The following BAIAP2 variants were observed in gnomAD, a reference collection of about 807,000 sequenced individuals.
The protein encoded by BAIAP2 is BAR/IMD domain containing adaptor protein 2.
In BAIAP2, 18 loss-of-function variants were observed where a neutral mutation model predicts 63.0. The ratio of observed to expected loss-of-function variants is 0.29; its 90% CI spans 0.20 to 0.42. The LOEUF is 0.42. Ranked by LOEUF, BAIAP2 falls within the 10% of genes least tolerant of loss-of-function variation. The pLI is 1.00. For synonymous variants in BAIAP2, 386 were observed against 307.6 expected (o/e 1.25, Z -2.67); for missense variants, 610 against 734.3 (o/e 0.83, Z 1.96).
intron 6 of BAIAP2, among the ~76,000 whole-genome samples, chr17:81,093,708 G>A (rs1222802830): frequency 6.6e-6 from 1 of 152,170 alleles, no homozygotes; most frequent in Non-Finnish European, 1.5e-5. Context: ...CTGGGTGTGC[G>A]AGGCCTATAG....
chr17:81,109,853 G>A, intron 13 of BAIAP2: 1 of 985,386 alleles, frequency 1.0e-6, no homozygotes, highest in Non-Finnish European at 1.2e-6. Context: ...GGGCATCGAT[G>A]CTGCCCCGGG....
At chr17:81,048,137 C>T (rs1203272989) in intron 1 of BAIAP2, among the ~76,000 whole-genome samples, 1 of 152,202 alleles carries the variant, frequency 6.6e-6, no homozygotes, top group Non-Finnish European at 1.5e-5. Context: ...GTAATCCCAG[C>T]ACTTTGGGAG....
At chr17:81,100,518 G>C (rs978523152) in intron 7 of BAIAP2, among the ~76,000 whole-genome samples, 1 of 152,024 alleles carries the variant, frequency 6.6e-6, no homozygotes, top group African/African-American at 2.4e-5. Context: ...ACAGTCCTGG[G>C]GTACAGCCTC....
At chr17:81,069,323 C>T (rs755599861) in intron 3 of BAIAP2, among the ~76,000 whole-genome samples, 21 of 152,332 alleles carry the variant, frequency 1.4e-4, no homozygotes, top group Middle Eastern at 3.4e-3. Flanking sequence ...AGCCAGAGCA[C>T]GCACGCGGGC....
intron 6 of BAIAP2, chr17:81,087,969 C>T (rs1459914978): frequency 3.3e-5 from 5 of 152,038 alleles, no homozygotes; most frequent in African/African-American, 4.8e-5. Context: ...GCTGCTGCAG[C>T]GAGCCGTCCT....
intron 3 of BAIAP2, 59 bp downstream of exon 3, chr17:81,058,026 G>T: frequency 7.5e-7 from 1 of 1,338,014 alleles, no homozygotes; most frequent in African/African-American, 1.6e-5. Context: ...GCAGCTCTGG[G>T]GCCCTGTCCT....
rs938293720 is a variant in BAIAP2, at chr17:81,092,709, G to T, written c.489+6129G>T. Among the ~76,000 whole-genome samples, 29 of 152,074 alleles carry T rather than the reference G, an allele frequency of 1.9e-4. 1 individual carries two copies. Among genetic ancestry groups the T allele is most frequent in the Admixed American group, 1.8e-3 (28 of 15,282 alleles). On this transcript the variant is annotated intron_variant, in intron 6 of 13. Transcript: ENST00000428708. ...CCCGGAGCACCGCCCTGACGGCCTT[G>T]GGCAGCGGCACCTTCACTCCCCAGG...
intron 6 of BAIAP2, chr17:81,098,147 A>G: frequency 2.1e-6 from 3 of 1,463,172 alleles, no homozygotes; most frequent in Non-Finnish European, 2.7e-6. Flanking sequence ...AGAGGCAGAG[A>G]GCCCTGGGGT....
intron 1 of BAIAP2, among the ~76,000 whole-genome samples, chr17:81,038,896 T>TGG (rs780200000): frequency 8.4e-5 from 2 of 23,716 alleles, no homozygotes; most frequent in African/African-American, 2.0e-4. Flanking sequence ...GTCGCCTTCC[T>TGG]GGGTGGGGGG....
At chr17:81,085,526 G>T in intron 4 of BAIAP2, 128 bp from the exon 5 acceptor site, 4 of 765,510 alleles carry the variant, frequency 5.2e-6, no homozygotes, top group Non-Finnish European at 6.9e-6. Context: ...CAGTCAGGGG[G>T]AGGGGGCCCC....
At chr17:81,068,159 C>T (rs571603801) in intron 3 of BAIAP2, among the ~76,000 whole-genome samples, 47 of 152,362 alleles carry the variant, frequency 3.1e-4, no homozygotes, top group Non-Finnish European at 1.9e-4. Flanking sequence ...GTCGCAGCCA[C>T]GCAGGGAGAT....
At chr17:81,053,187 C>T (rs2048936236) in intron 1 of BAIAP2, among the ~76,000 whole-genome samples, 1 of 151,836 alleles carries the variant, frequency 6.6e-6, no homozygotes, top group Non-Finnish European at 1.5e-5. Context: ...GCAGATCAGG[C>T]TGCAGTGGTG....
chr17:81,086,083 C>T (rs1344391126), intron 5 of BAIAP2, among the ~76,000 whole-genome samples: 1 of 152,010 alleles, frequency 6.6e-6, no homozygotes, highest in Admixed American at 6.6e-5. Flanking sequence ...CCACTCCTGT[C>T]CGCTGGCAGG....
chr17:81,043,696 G>A (rs533305255), intron 1 of BAIAP2, among the ~76,000 whole-genome samples: 3 of 152,160 alleles, frequency 2.0e-5, no homozygotes, highest in Non-Finnish European at 4.4e-5. Context: ...CTGTTGCTTC[G>A]TGTGCGGGTC....
Position 81,086,559 on chromosome 17 carries a change from G to A in BAIAP2, c.468G>A (p.Lys156=). Residue 156 remains lysine (K), a synonymous_variant, in exon 6 of 14, where the codon AAG becomes AAA. Coordinates refer to ENST00000428708, the MANE Select transcript of BAIAP2 (RefSeq NM_001144888.2). Reference sequence around the variant, plus strand: ...GCCAGGGCAGCAAGAATCCTCAGAAGTACTCGGACAAGGAGCTGCAGGTAG... The same window carrying A: ...GCCAGGGCAGCAAGAATCCTCAGAAATACTCGGACAAGGAGCTGCAGGTAG... ...KKSQGSKNPQ[K]YSDKELQYID... The A allele has an allele frequency of 2.5e-6, 4 of 1,613,626 alleles. No individual in the cohort carries two copies. Among genetic ancestry groups the A allele is most frequent in the Non-Finnish European group, 2.5e-6 (3 of 1,180,012 alleles).
At chr17:81,107,835 G>T in intron 12 of BAIAP2, 1 of 153,222 alleles carries the variant, frequency 6.5e-6, no homozygotes, top group Non-Finnish European at 1.5e-5. Flanking sequence ...AGAGGTTTGG[G>T]CTCTGGGCCG....
chr17:81,075,036 C>T (rs913154506), intron 3 of BAIAP2, among the ~76,000 whole-genome samples: 6 of 152,248 alleles, frequency 3.9e-5, no homozygotes, highest in South Asian at 2.1e-4. Flanking sequence ...TGCTTTCTGT[C>T]TCCTTCACCT....
At chr17:81,102,309 G>A (rs535119913) in intron 7 of BAIAP2, among the ~76,000 whole-genome samples, 32 of 152,294 alleles carry the variant, frequency 2.1e-4, no homozygotes, top group African/African-American at 5.8e-4. Context: ...GGGCCGTGCC[G>A]CTGCGAGGTC....
chr17:81,069,924 AG>A, intron 3 of BAIAP2, among the ~76,000 whole-genome samples: 1 of 151,968 alleles, frequency 6.6e-6, no homozygotes, highest in East Asian at 1.9e-4. Flanking sequence ...GGAAGATTGG[AG>A]GGTTTTTTGT....
Sources: allele counts gnomAD v4.1 joint callset (sites outside exome capture counted in the v4.1 genomes callset), GRCh38; gene constraint gnomAD v4.1.1; transcripts MANE v1.5; gene names NCBI Gene and HGNC (gene_info 2026-07-23, HGNC 2026-07-21).